Variants in CFH observed in about 807,000 individuals in gnomAD.
CFH encodes the protein H factor 1 (complement).
In CFH, 53 loss-of-function variants were observed where a neutral mutation model predicts 147.3. The ratio of observed to expected loss-of-function variants is 0.36; its 90% CI spans 0.29 to 0.45. The LOEUF is 0.45. Ranked by LOEUF, CFH falls within the 20% of genes least tolerant of loss-of-function variation. CFH has a pLI of 1.00. For missense variants in CFH, 1,380 were observed against 1,498.0 expected (o/e 0.92, Z 1.30); for synonymous variants, 536 against 489.4 (o/e 1.10, Z -1.26).
At chr1:196,667,422 T>C (rs1220321356) in intron 1 of CFH, among the ~76,000 whole-genome samples, 1 of 152,216 alleles carries the variant, frequency 6.6e-6, no homozygotes, top group Non-Finnish European at 1.5e-5. Context: ...TAAAGTAGCC[T>C]TTTTATTAAT....
chr1:196,729,187 A>G (rs186155085), intron 15 of CFH, among the ~76,000 whole-genome samples: 9 of 152,204 alleles, frequency 5.9e-5, no homozygotes, highest in East Asian at 5.8e-4. Context: ...ATATACAGAA[A>G]GCATTGACAA....
intron 17 of CFH, 39 bp from the exon 18 acceptor site, chr1:196,740,580 A>C: frequency 6.3e-7 from 1 of 1,594,142 alleles, no homozygotes; most frequent in Non-Finnish European, 8.6e-7. Flanking sequence ...AATTAAATTT[A>C]TGAGTTAGTG....
chr1:196,691,969 C>T (rs993696748), intron 9 of CFH, among the ~76,000 whole-genome samples: 1 of 151,840 alleles, frequency 6.6e-6, no homozygotes, highest in African/African-American at 2.4e-5. Context: ...CAACATTTCC[C>T]TAACAATTTT....
At chr1:196,723,360 G>C (rs1669049351) in intron 11 of CFH, among the ~76,000 whole-genome samples, 1 of 152,100 alleles carries the variant, frequency 6.6e-6, no homozygotes, top group Non-Finnish European at 1.5e-5. Flanking sequence ...GATAACTTTT[G>C]TATGATGGCT....
intron 14 of CFH, among the ~76,000 whole-genome samples, chr1:196,728,117 T>G (rs1276834429): frequency 6.6e-6 from 1 of 151,992 alleles, no homozygotes; most frequent in Non-Finnish European, 1.5e-5. Context: ...AAGAATAAAA[T>G]GTCTTCTGAT....
At chr1:196,742,974 C>G (rs1331100921) in intron 19 of CFH, among the ~76,000 whole-genome samples, 1 of 152,072 alleles carries the variant, frequency 6.6e-6, no homozygotes, top group Admixed American at 6.5e-5. Flanking sequence ...GTTTTTAATT[C>G]TTTGCTTATT....
At chr1:196,660,095 G>T (rs1666850566) in intron 1 of CFH, among the ~76,000 whole-genome samples, 1 of 152,164 alleles carries the variant, frequency 6.6e-6, no homozygotes, top group African/African-American at 2.4e-5. Flanking sequence ...GGTGGGCTTG[G>T]TCTTGGGGAC....
Position 196,741,913 on chromosome 1 carries a change from A to G in CFH, c.2995A>G (p.Ile999Val). 7 of 1,614,206 alleles carry G rather than the reference A, an allele frequency of 4.3e-6. No individual in the cohort carries two copies. Among genetic ancestry groups the G allele is most frequent in the Non-Finnish European group, 5.9e-6 (7 of 1,180,016 alleles). ...CAGTTTACCTAGCTTTGAAAATGCC[A>G]TACCCATGGGAGAGAAGAAGGATGT... ...CLSLPSFENA[I>V]PMGEKKDVYK... Residue 999 changes from isoleucine to valine, a missense_variant, in exon 19 of 22, where the codon ATA (isoleucine) becomes GTA (valine). Ile to Val is a conservative substitution (Grantham distance 29, BLOSUM62 3). Around this residue, in one of 4 missense-constraint regions of CFH, gnomAD observed 830 missense variants for 821.4 expected, o/e 1.01. Transcript: ENST00000367429.
At chr1:196,721,534 T>G (rs1028680302) in intron 11 of CFH, among the ~76,000 whole-genome samples, 2 of 152,016 alleles carry the variant, frequency 1.3e-5, no homozygotes, top group African/African-American at 4.8e-5. Context: ...ATTCTGAGGT[T>G]GTTGGGTGGA....
chr1:196,685,440 GTA>G (rs969388511), intron 7 of CFH, among the ~76,000 whole-genome samples: 4 of 152,008 alleles, frequency 2.6e-5, no homozygotes, highest in African/African-American at 9.7e-5. Context: ...GTTTATGAAT[GTA>G]TGTTTCCCTA....
chr1:196,709,562 A>G (rs974555127), intron 9 of CFH, among the ~76,000 whole-genome samples: 5 of 152,172 alleles, frequency 3.3e-5, no homozygotes, highest in Admixed American at 6.6e-5. Context: ...AAAGTTATAT[A>G]AAATTGATTA....
chr1:196,698,356 A>G (rs1668348737), intron 9 of CFH, among the ~76,000 whole-genome samples: 1 of 152,148 alleles, frequency 6.6e-6, no homozygotes, highest in Admixed American at 6.6e-5. Flanking sequence ...GGACAGAAGA[A>G]TCAAATAGAC....
intron 17 of CFH, 83 bp downstream of exon 17, chr1:196,737,743 T>C (rs1652617533): frequency 1.9e-6 from 2 of 1,059,574 alleles, no homozygotes; most frequent in South Asian, 1.4e-5. Flanking sequence ...AGGGGAATAA[T>C]TGAGATTACT....
At chr1:196,660,180 A>C (rs111244499) in intron 1 of CFH, among the ~76,000 whole-genome samples, 2,291 of 152,332 alleles carry the variant, frequency 0.015, 53 homozygotes, top group African/African-American at 0.052. Context: ...CAGTCATCAG[A>C]AATCTGTCGT....
In CFH at chr1:196,714,694, GA is replaced by G. The variant is rs1558173526; in HGVS notation, c.1519+778del. On this transcript the variant is annotated intron_variant, in intron 10 of 21. Coordinates refer to ENST00000367429, the MANE Select transcript of CFH (RefSeq NM_000186.4). ...AGAGAGAGAGAGAGAGAGAGAGAGAGAGAGAGAGAGAGAGAGAGAGAGAGAT... is the reference window on the plus strand; with the variant it reads ...AGAGAGAGAGAGAGAGAGAGAGAGAGGAGAGAGAGAGAGAGAGAGAGAGAT... Among the ~76,000 whole-genome samples the G allele has an allele frequency of 2.7e-4, 31 of 116,120 alleles. 2 individuals are homozygous for G. The highest frequency in any genetic ancestry group is 9.6e-4 in the African/African-American group (29 of 30,148). 76.2% of individuals were successfully genotyped at this position (116,120 alleles called of 152,430 possible).
Position 196,692,560 on chromosome 1 carries a change from CTTCT to C in CFH, c.1336+2332_1336+2335del, listed in dbSNP as rs151137602. ...TCTTTCTTTTTCTTTTTCTTTCTTT[CTTCT>C]TTCTTTCTTTTTCTTTCTTTCTTTC... is the stretch of plus-strand genomic sequence containing the variant. On this transcript the variant is annotated intron_variant, in intron 9 of 21. Transcript: ENST00000367429. Among the ~76,000 whole-genome samples, 31,805 of 136,052 alleles carry C rather than the reference CTTCT, an allele frequency of 0.23. 4,090 individuals are homozygous for C. The highest frequency in any genetic ancestry group is 0.51 in the East Asian group (2,351 of 4,598). The allele number at this position is 136,052 out of a possible 152,430, so 89.3% of individuals were successfully genotyped here. A position where few individuals can be genotyped will look rare whatever the true frequency, so the allele number is the denominator to read the frequency against.
At chr1:196,710,052 A>ACC (rs1277391259) in intron 9 of CFH, among the ~76,000 whole-genome samples, 3 of 83,140 alleles carry the variant, frequency 3.6e-5, no homozygotes, top group African/African-American at 1.6e-4. Flanking sequence ...ACACACACAG[A>ACC]CACACAGACA....
At chr1:196,684,632 T>C (rs768946826) in intron 6 of CFH, among the ~76,000 whole-genome samples, 1 of 151,988 alleles carries the variant, frequency 6.6e-6, no homozygotes, top group Non-Finnish European at 1.5e-5. Flanking sequence ...TCCTACGCAA[T>C]CACATGGCCA....
At chr1:196,726,359 T>G in intron 12 of CFH, 111 bp from the exon 13 acceptor site, 2 of 817,790 alleles carry the variant, frequency 2.4e-6, no homozygotes, top group Non-Finnish European at 4.0e-6. Context: ...CTATAATAAG[T>G]TACATAATGA....
Sources: gnomAD v4.1 joint callset for allele counts (sites outside exome capture counted in the v4.1 genomes callset) on GRCh38, gnomAD v4.1.1 for gene constraint, gnomAD v4.1.1 regional missense constraint, MANE v1.5 for transcripts, NCBI Gene and HGNC (gene_info 2026-07-23, HGNC 2026-07-21) for gene names.